MACF1: variants seen among roughly 807,000 people sequenced by gnomAD.
MACF1 encodes the protein microtubule actin crosslinking factor 1.
MACF1 carries 193 observed loss-of-function variants against 854.8 expected under a neutral mutation model. That is an observed-to-expected ratio of 0.23 (90% CI 0.20 to 0.25). The LOEUF is 0.25. MACF1 is among the 10% of genes least tolerant of loss of function. The pLI is 1.00. For synonymous variants in MACF1, 3,185 were observed against 3,226.7 expected (o/e 0.99, Z 0.44); for missense variants, 7,722 against 8,929.1 (o/e 0.86, Z 5.45).
At chr1:39,251,993 G>T in intron 4 of MACF1, 52 bp downstream of exon 4, 1 of 1,304,842 alleles carries the variant, frequency 7.7e-7, no homozygotes, top group East Asian at 2.8e-5. Flanking sequence ...TGGCACTGCA[G>T]GGCCATCAGA....
intron 40 of MACF1, 82 bp downstream of exon 40, chr1:39,341,035 CTTT>C (rs1172169515): frequency 3.0e-3 from 2,763 of 913,902 alleles, no homozygotes; most frequent in South Asian, 4.0e-3. Context: ...CCATATTTAT[CTTT>C]TTTTTTTTTT....
intron 58 of MACF1, among the ~76,000 whole-genome samples, chr1:39,389,351 G>GTGTT (rs1224973157): frequency 3.2e-5 from 2 of 63,472 alleles, no homozygotes; most frequent in African/African-American, 1.1e-4. Flanking sequence ...GTTTTTGTGT[G>GTGTT]TTTTTTTTTT....
intron 28 of MACF1, 60 bp from the exon 29 acceptor site, chr1:39,317,154 G>T: frequency 6.5e-7 from 1 of 1,534,408 alleles, no homozygotes; most frequent in South Asian, 1.2e-5. Flanking sequence ...TCCCACCTTA[G>T]ACTGACTCCT....
chr1:39,428,636 A>G (rs1351445487), intron 63 of MACF1, among the ~76,000 whole-genome samples: 1 of 152,244 alleles, frequency 6.6e-6, no homozygotes, highest in African/African-American at 2.4e-5. Flanking sequence ...AACCAGATCT[A>G]TCTGTGTAGT....
chr1:39,386,337 T>C (rs1416804608), intron 57 of MACF1, among the ~76,000 whole-genome samples: 1 of 151,694 alleles, frequency 6.6e-6, no homozygotes, highest in Non-Finnish European at 1.5e-5. Context: ...CATGGCTCAC[T>C]GCACCCTCAA....
rs531688995 is a variant in MACF1, at chr1:39,193,780, AAG to A, written c.221-37393_221-37392del. On this transcript the variant is annotated intron_variant, in intron 2 of 93. Transcript: ENST00000361689. ...CACAAATTATATTTACAGCCCTGGT[AAG>A]AGAGAGAGGGAGAGAGAGAGAGAGA... Among the ~76,000 whole-genome samples the A allele has an allele frequency of 3.6e-4, 55 of 151,794 alleles. 1 individual carries two copies. In the South Asian group the frequency reaches 0.011, roughly 31 times the overall value.
chr1:39,297,138 A>G (rs1645939146), intron 20 of MACF1, among the ~76,000 whole-genome samples: 1 of 151,962 alleles, frequency 6.6e-6, no homozygotes, highest in Admixed American at 6.6e-5. Context: ...ATGTTAGCCA[A>G]GAAGGTCTCG....
In MACF1 at chr1:39,334,758, C is replaced by T; in HGVS notation, c.8170C>T (p.His2724Tyr). Residue 2724 changes from histidine (H) to tyrosine (Y), a missense_variant, in exon 37 of 101, where the codon CAT becomes TAT. His to Tyr is a moderately conservative substitution (Grantham distance 83). Around this residue, in one of 15 missense-constraint regions of MACF1, gnomAD observed 1,531 missense variants for 1,601.6 expected, o/e 0.96. Coordinates refer to ENST00000564288, the MANE Select transcript of MACF1 (RefSeq NM_001394062.1). ...DENMVRIIASHQVLNGGIVDI... is the reference protein window; with the variant it reads ...DENMVRIIASYQVLNGGIVDI... ...AAACATGGTCAGAATTATTGCATCT[C>T]ATCAGGTGTTAAATGGAGGAATTGT... is the stretch of plus-strand genomic sequence containing the variant. 6.2e-7 allele frequency: 1 copy of T among 1,614,104 alleles called. No homozygotes were observed. Among genetic ancestry groups the T allele is most frequent in the Non-Finnish European group, 8.5e-7 (1 of 1,179,986 alleles).
intron 29 of MACF1, among the ~76,000 whole-genome samples, chr1:39,317,830 A>G (rs895766289): frequency 6.6e-6 from 1 of 152,244 alleles, no homozygotes; most frequent in Admixed American, 6.5e-5. Context: ...CTCTGTTACT[A>G]GAGGTCCTGC....
chr1:39,086,820 CTG>C (rs1641685203), intron 2 of MACF1, among the ~76,000 whole-genome samples: 1 of 152,174 alleles, frequency 6.6e-6, no homozygotes, highest in Non-Finnish European at 1.5e-5. Context: ...CTGCGCTGTG[CTG>C]TGTTTCTGGC....
intron 97 of MACF1, among the ~76,000 whole-genome samples, chr1:39,477,077 A>AGTG (rs1183082119): frequency 2.6e-4 from 5 of 19,232 alleles, no homozygotes; most frequent in African/African-American, 5.5e-4. Flanking sequence ...ATATATATAT[A>AGTG]TATATATATA....
intron 2 of MACF1, among the ~76,000 whole-genome samples, chr1:39,107,520 G>C (rs918200227): frequency 6.6e-6 from 1 of 152,158 alleles, no homozygotes; most frequent in East Asian, 1.9e-4. Context: ...GATCGGTGCA[G>C]AACAATCTCT....
chr1:39,394,713 G>A (rs1353181844), intron 58 of MACF1, among the ~76,000 whole-genome samples: 1 of 152,174 alleles, frequency 6.6e-6, no homozygotes, highest in Non-Finnish European at 1.5e-5. Flanking sequence ...ATGATTACAA[G>A]GACAGTATCA....
intron 2 of MACF1, among the ~76,000 whole-genome samples, chr1:39,159,259 G>A (rs1475234471): frequency 3.9e-5 from 6 of 152,238 alleles, no homozygotes; most frequent in Non-Finnish European, 7.3e-5. Flanking sequence ...GGACAAGTAA[G>A]AAATGTCCCC....
intron 23 of MACF1, among the ~76,000 whole-genome samples, chr1:39,303,943 T>G (rs970039365): frequency 6.6e-6 from 1 of 151,626 alleles, no homozygotes; most frequent in Non-Finnish European, 1.5e-5. Context: ...AAAAGAGATA[T>G]GGAAATTATT....
intron 6 of MACF1, among the ~76,000 whole-genome samples, chr1:39,281,938 A>G (rs1351384668): frequency 6.6e-6 from 1 of 152,208 alleles, no homozygotes; most frequent in Non-Finnish European, 1.5e-5. Context: ...GCGGTGTATG[A>G]TGATACCCAG....
In MACF1 at chr1:39,409,082, C is replaced by CAGCGAGCT. The variant is rs1003494287; in HGVS notation, c.15817-13279_15817-13272dup. On this transcript the variant is annotated intron_variant, in intron 58 of 100. Transcript: ENST00000564288. This position sits in a 1 kb window ranked among gnomAD's most constrained non-coding sequence, Gnocchi z 4.2. ...GAGCCGCCCGCCAGCCGAGCACTTC[C>CAGCGAGCT]AGCGAGCTAGCGAGCTAGCGGGTCG... Among the ~76,000 whole-genome samples, 38 of 151,938 alleles carry CAGCGAGCT rather than the reference C, an allele frequency of 2.5e-4. No homozygotes were observed. Among genetic ancestry groups the CAGCGAGCT allele is most frequent in the South Asian group, 1.2e-3 (6 of 4,812 alleles).
intron 62 of MACF1, 91 bp downstream of exon 62, chr1:39,427,705 T>A (rs1643770180): frequency 7.5e-7 from 1 of 1,328,908 alleles, no homozygotes; most frequent in Admixed American, 2.3e-5. Flanking sequence ...AGAGGATGTG[T>A]GTTTTGTGGG....
chr1:39,361,099 G>T (rs1189130951), intron 48 of MACF1, 98 bp downstream of exon 48: 10 of 981,638 alleles, frequency 1.0e-5, no homozygotes, highest in Admixed American at 2.3e-5. Context: ...CCTAATATCT[G>T]TGAATCATCT....
Sources: gnomAD v4.1 joint callset for allele counts (sites outside exome capture counted in the v4.1 genomes callset) on GRCh38, gnomAD v4.1.1 for gene constraint, gnomAD v4.1.1 regional missense constraint, Gnocchi (gnomAD v3.1) non-coding constraint, MANE v1.5 for transcripts, NCBI Gene and HGNC (gene_info 2026-07-23, HGNC 2026-07-21) for gene names.